The following FSIP2 variants were observed in gnomAD, a reference collection of about 807,000 sequenced individuals.
FSIP2 encodes fibrous sheath-interacting protein 2.
In FSIP2, 367 loss-of-function variants were observed where a neutral mutation model predicts 510.5. That is an observed-to-expected ratio of 0.72 (90% confidence interval 0.66 to 0.78). FSIP2 has a LOEUF of 0.78. FSIP2 is among the 30% of genes least tolerant of loss of function. The probability of loss-of-function intolerance (pLI) is 0.00; values close to 1 mark genes in which losing one functional copy is unlikely to be tolerated. For missense variants in FSIP2, 7,594 were observed against 7,901.7 expected (o/e 0.96, Z 1.48); for synonymous variants, 2,601 against 2,732.2 (o/e 0.95, Z 1.50).
In FSIP2 at chr2:185,800,880, C is replaced by T; in HGVS notation, c.11574C>T (p.Ser3858=). 6.5e-7 allele frequency: 1 copy of T among 1,534,070 alleles called. No individual in the cohort carries two copies. Among genetic ancestry groups the T allele is most frequent in the South Asian group, 1.2e-5 (1 of 83,970 alleles). Residue 3858 remains serine, a synonymous_variant, in exon 17 of 23, where the codon AGC becomes AGT. Coordinates refer to ENST00000424728, the MANE Select transcript of FSIP2 (RefSeq NM_173651.4). ...CATTGATGGACAAATTATCTCACAG[C>T]ATACAACAAGCTCCGGAAAGTCTAC... ...VKSLMDKLSH[S]IQQAPESLPF... is the part of the protein sequence containing the mutation.
chr2:185,797,369 A>G lies in FSIP2; in HGVS notation c.10233A>G (p.Gln3411=), dbSNP rs77383516. 4,388 of 1,527,014 alleles carry G rather than the reference A, an allele frequency of 2.9e-3. 83 individuals are homozygous for G. In the African/African-American group the frequency reaches 0.051, roughly 18 times the overall value. The allele number at this position is 1,527,014 out of a possible 1,614,324, so 94.6% of individuals were successfully genotyped here. A position where few individuals can be genotyped will look rare whatever the true frequency, so the allele number is the denominator to read the frequency against. ...GCCGGGAAGATTCTTCTTTTTTGCA[A>G]AAATTGAAAAAAAAGGAGTACCCAA... ...EASREDSSFL[Q]KLKKKEYPKI... is the part of the protein sequence containing the mutation. The change falls in exon 16 of 23, where the codon CAA becomes CAG. Residue 3411 remains glutamine (Q), a synonymous_variant. Transcript: ENST00000424728.
In FSIP2 at chr2:185,753,761, CA is replaced by C; in HGVS notation, c.916del (p.Met306CysfsTer11). ...LLEKKMAYHL[Q>X]KMQDTGFNGE... is the part of the protein sequence containing the mutation. ...AGAGAAAAAAATGGCTTATCATTTA[CA>C]AAAAATGCAAGATACTGGCTTTAAC... is the stretch of plus-strand genomic sequence containing the variant. On this transcript the variant is annotated frameshift_variant, in exon 8 of 23. Transcript: ENST00000424728. LOFTEE classifies it high-confidence loss of function. The C allele has an allele frequency of 7.1e-7, 1 of 1,398,730 alleles. No homozygotes were observed. The highest frequency in any genetic ancestry group is 1.4e-5 in the South Asian group (1 of 73,694). The allele number at this position is 1,398,730 out of a possible 1,614,324, so 86.6% of individuals were successfully genotyped here. A position where few individuals can be genotyped will look rare whatever the true frequency, so the allele number is the denominator to read the frequency against.
At position 185,790,057 on chromosome 2, in the gene FSIP2, T is replaced by A; in HGVS notation, c.2921T>A (p.Leu974His). ...SPSDTKEKYR[L>H]TGTRLSNSPR... ...TCTGACACCAAAGAAAAGTACAGAC[T>A]CACTGGCACTAGATTATCAAATAGT... is the stretch of plus-strand genomic sequence containing the variant. Residue 974 changes from leucine (L) to histidine (H), a missense_variant, in exon 16 of 23, where the codon CTC becomes CAC. Transcript: ENST00000424728. 6.5e-7 allele frequency: 1 copy of A among 1,533,526 alleles called. No individual in the cohort carries two copies. Among genetic ancestry groups the A allele is most frequent in the Non-Finnish European group, 8.7e-7 (1 of 1,145,320 alleles). 95.0% of individuals were successfully genotyped at this position (1,533,526 alleles called of 1,614,324 possible).
Position 185,747,297 on chromosome 2 carries a change from A to G in FSIP2, c.760-16A>G. The G allele has an allele frequency of 7.2e-7, 1 of 1,389,810 alleles. No individual in the cohort carries two copies. Among genetic ancestry groups the G allele is most frequent in the Non-Finnish European group, 9.9e-7 (1 of 1,014,032 alleles). The allele number at this position is 1,389,810 out of a possible 1,614,324, so 86.1% of individuals were successfully genotyped here. ...AAAGGCACACACACCAAGTGCAGTA[A>G]CATTGTGATTTCTAGGAATGGAAGA... On this transcript the variant is annotated splice_polypyrimidine_tract_variant and intron_variant, in intron 6 of 22. Transcript: ENST00000424728.
Position 185,795,414 on chromosome 2 carries a change from A to T in FSIP2, c.8278A>T (p.Thr2760Ser). ...IVKEFGKVKQ[T>S]KALPSDQIIA... is the part of the protein sequence containing the mutation. ...GAAGGAATTTGGAAAGGTAAAGCAAACCAAAGCTTTACCATCTGATCAAAT... is the reference window on the plus strand; with the variant it reads ...GAAGGAATTTGGAAAGGTAAAGCAATCCAAAGCTTTACCATCTGATCAAAT... Residue 2760 changes from threonine (T) to serine (S), a missense_variant, in exon 16 of 23, where the codon ACC becomes TCC. Coordinates refer to ENST00000424728, the MANE Select transcript of FSIP2 (RefSeq NM_173651.4). The T allele has an allele frequency of 6.5e-7, 1 of 1,534,578 alleles. No individual in the cohort carries two copies.
intron 20 of FSIP2, among the ~76,000 whole-genome samples, chr2:185,827,070 T>G (rs1001273944): frequency 6.6e-6 from 1 of 151,824 alleles, no homozygotes; most frequent in African/African-American, 2.4e-5. Flanking sequence ...CTTAAAAACT[T>G]GTGTTTGGAA....
intron 11 of FSIP2, among the ~76,000 whole-genome samples, chr2:185,762,503 C>T (rs1017205581): frequency 6.6e-6 from 1 of 151,354 alleles, no homozygotes; most frequent in Non-Finnish European, 1.5e-5. Context: ...CATGAGACAT[C>T]TTCCTCCAGT....
Position 185,807,656 on chromosome 2 carries a change from T to G in FSIP2, c.18350T>G (p.Ile6117Arg). ...GGATGCAAAATCCTTTCAGAAAACATAGTTGACTTGGTTCTACGAGAAGTG... is the reference window on the plus strand; with the variant it reads ...GGATGCAAAATCCTTTCAGAAAACAGAGTTGACTTGGTTCTACGAGAAGTG... Reference protein sequence around the residue: ...TSGCKILSENIVDLVLREVAS... With the variant: ...TSGCKILSENRVDLVLREVAS... Residue 6117 changes from isoleucine (I) to arginine (R), a missense_variant, in exon 17 of 23, where the codon ATA becomes AGA. Coordinates refer to ENST00000424728, the MANE Select transcript of FSIP2 (RefSeq NM_173651.4). 6.2e-7 allele frequency: 1 copy of G among 1,612,996 alleles called. No homozygotes were observed. Among genetic ancestry groups the G allele is most frequent in the Non-Finnish European group, 8.5e-7 (1 of 1,179,312 alleles).
rs367927814 is a variant in FSIP2, at chr2:185,767,275, A to T, written c.1411+2710A>T. Among the ~76,000 whole-genome samples the T allele has an allele frequency of 5.3e-5, 8 of 151,290 alleles. No homozygotes were observed. The South Asian group carries it at 1.0e-3, about 20-fold the overall frequency. ...ATGGCACATGTATACATATGTAACT[A>T]ACCTGCACAATGTGCACATGTACCC... On this transcript the variant is annotated intron_variant, in intron 13 of 22. Transcript: ENST00000424728.
rs1290654470 is a variant in FSIP2 at position 185,800,588 on chromosome 2, T to C, written c.11282T>C (p.Ile3761Thr). The C allele has an allele frequency of 1.1e-5, 17 of 1,530,446 alleles. No individual in the cohort carries two copies. Among genetic ancestry groups the C allele is most frequent in the Middle Eastern group, 1.7e-4 (1 of 5,936 alleles). The allele number at this position is 1,530,446 out of a possible 1,614,324, so 94.8% of individuals were successfully genotyped here. ...CTCAATGTTGTATGTGAGAAACTTA[T>C]CAGAATACTTTTGGAAGAATGCACA... is the stretch of plus-strand genomic sequence containing the variant. ...FLLNVVCEKL[I>T]RILLEECTST... is the part of the protein sequence containing the mutation. Residue 3761 changes from isoleucine to threonine, a missense_variant, in exon 17 of 23, where the codon ATC becomes ACC. Coordinates refer to ENST00000424728, the MANE Select transcript of FSIP2 (RefSeq NM_173651.4).
chr2:185,801,444 TG>T lies in FSIP2; in HGVS notation c.12139del (p.Val4047LeufsTer14). On this transcript the variant is annotated frameshift_variant, in exon 17 of 23. Coordinates refer to ENST00000424728, the MANE Select transcript of FSIP2 (RefSeq NM_173651.4). LOFTEE classifies it high-confidence loss of function. Reference sequence around the variant, plus strand: ...TTCATACAGAAACTGTTAGCAAAATTGTTGACTCAGTTTATTATGATGTTTT... The same window carrying T: ...TTCATACAGAAACTGTTAGCAAAATTTTGACTCAGTTTATTATGATGTTTT... Reference protein sequence around the residue: ...PVHTETVSKIVDSVYYDVLQQ... With the variant: ...PVHTETVSKIXDSVYYDVLQQ... 6.5e-7 allele frequency: 1 copy of T among 1,534,006 alleles called. No individual in the cohort carries two copies. The highest frequency in any genetic ancestry group is 8.7e-7 in the Non-Finnish European group (1 of 1,145,508).
intron 21 of FSIP2, among the ~76,000 whole-genome samples, chr2:185,831,020 G>A (rs1043151338): frequency 2.0e-5 from 3 of 151,784 alleles, no homozygotes; most frequent in Non-Finnish European, 2.9e-5. Flanking sequence ...CTTAATACAT[G>A]AGCACCCTTA....
intron 13 of FSIP2, among the ~76,000 whole-genome samples, chr2:185,774,378 G>A (rs1692674033): frequency 6.6e-6 from 1 of 152,090 alleles, no homozygotes; most frequent in African/African-American, 2.4e-5. Flanking sequence ...TTATTGCCTG[G>A]AAAGTGTCTT....
At position 185,797,077 on chromosome 2, in the gene FSIP2, C is replaced by T. The variant is rs1444218776; in HGVS notation, c.9941C>T (p.Pro3314Leu). 4 of 1,535,016 alleles carry T rather than the reference C, an allele frequency of 2.6e-6. No individual in the cohort carries two copies. Among genetic ancestry groups the T allele is most frequent in the African/African-American group, 2.7e-5 (2 of 72,872 alleles). ...GAGAACCTAAAACCAGTTGTTGAAC[C>T]AAACCAAATTCAGACAACCATTTCC... ...HYENLKPVVE[P>L]NQIQTTISPL... The change falls in exon 16 of 23, where the codon CCA becomes CTA. Residue 3314 changes from proline to leucine, a missense_variant. By Grantham distance (98) the Pro-to-Leu change is moderately conservative. Coordinates refer to ENST00000424728, the MANE Select transcript of FSIP2 (RefSeq NM_173651.4).
chr2:185,794,505 G>GA lies in FSIP2; in HGVS notation c.7373dup (p.Asn2458LysfsTer25). 1 of 1,523,152 alleles carries GA rather than the reference G, an allele frequency of 6.6e-7. No individual in the cohort carries two copies. The highest frequency in any genetic ancestry group is 1.4e-5 in the African/African-American group (1 of 72,006). 94.4% of individuals were successfully genotyped at this position (1,523,152 alleles called of 1,614,324 possible). On this transcript the variant is annotated frameshift_variant, in exon 16 of 23. Coordinates refer to ENST00000424728, the MANE Select transcript of FSIP2 (RefSeq NM_173651.4). LOFTEE classifies it high-confidence loss of function. ...ATTAGAGCAAAACCAAATGATATTG[G>GA]AAAACAAAAGGCAGATAATTGTTTT...
At chr2:185,763,058 G>A in intron 11 of FSIP2, 125 bp from the exon 12 acceptor site, 2 of 579,552 alleles carry the variant, frequency 3.5e-6, no homozygotes, top group Middle Eastern at 7.7e-4. Flanking sequence ...ATCCCTGATT[G>A]TGGCAATTCT....
intron 9 of FSIP2, among the ~76,000 whole-genome samples, chr2:185,757,900 T>C (rs1692272951): frequency 6.6e-6 from 1 of 151,254 alleles, no homozygotes; most frequent in African/African-American, 2.4e-5. Context: ...TGTAGAACAG[T>C]CCAGCATTCC....
rs1056784505 is a variant in FSIP2, at chr2:185,802,335, T to C, written c.13029T>C (p.Asn4343=). Residue 4343 remains asparagine, a synonymous_variant, in exon 17 of 23, where the codon AAT becomes AAC. Transcript: ENST00000424728. ...CCCAAAGAATAGTAAACTCCATAAATAGGCATTTCAATAAAGCTAAAATTC... is the reference window on the plus strand; with the variant it reads ...CCCAAAGAATAGTAAACTCCATAAACAGGCATTTCAATAAAGCTAAAATTC... ...NMTQRIVNSI[N]RHFNKAKIHI... is the part of the protein sequence containing the mutation. 52 of 1,533,466 alleles carry C rather than the reference T, an allele frequency of 3.4e-5. No individual in the cohort carries two copies. In the East Asian group the frequency reaches 5.9e-4, roughly 17 times the overall value. The allele number at this position is 1,533,466 out of a possible 1,614,324, so 95.0% of individuals were successfully genotyped here.
Position 185,793,212 on chromosome 2 carries a change from T to C in FSIP2, c.6076T>C (p.Phe2026Leu), listed in dbSNP as rs1485809711. The change falls in exon 16 of 23, where the codon TTT (phenylalanine) becomes CTT (leucine). Residue 2026 changes from phenylalanine (F) to leucine (L), a missense_variant. Phe to Leu is a conservative substitution (Grantham distance 22). Coordinates refer to ENST00000424728, the MANE Select transcript of FSIP2 (RefSeq NM_173651.4). ...QELDKERENP[F>L]LTHDIGISES... ...ATTAGATAAAGAAAGGGAAAATCCTTTTTTAACTCATGACATTGGGATTTC... is the reference window on the plus strand; with the variant it reads ...ATTAGATAAAGAAAGGGAAAATCCTCTTTTAACTCATGACATTGGGATTTC... The C allele has an allele frequency of 6.5e-7, 1 of 1,533,924 alleles. No individual in the cohort carries two copies. Among genetic ancestry groups the C allele is most frequent in the Non-Finnish European group, 8.7e-7 (1 of 1,145,474 alleles).
Sources: allele counts gnomAD v4.1 joint callset (sites outside exome capture counted in the v4.1 genomes callset), GRCh38; gene constraint gnomAD v4.1.1; transcripts MANE v1.5; gene names NCBI Gene and HGNC (gene_info 2026-07-23, HGNC 2026-07-21).